The following PLCL2 variants were observed in gnomAD, a reference collection of about 807,000 sequenced individuals.
PLCL2 encodes inactive phospholipase C-like protein 2.
PLCL2 carries 4 observed loss-of-function variants against 79.6 expected under a neutral mutation model. The observed-to-expected ratio is 0.05, with a 90% CI of 0.02 to 0.11. The LOEUF is 0.11. PLCL2 is among the 10% of genes least tolerant of loss of function. The probability of loss-of-function intolerance (pLI) is 1.00; values close to 1 mark genes in which losing one functional copy is unlikely to be tolerated. For synonymous variants in PLCL2, 484 were observed against 457.7 expected, an observed-to-expected ratio of 1.06 and a Z score of -0.73; for missense variants, 895 against 1,291.0, an observed-to-expected ratio of 0.69 and a Z score of 4.70.
intron 4 of PLCL2, among the ~76,000 whole-genome samples, chr3:17,047,162 TAAA>T (rs1439763488): frequency 6.6e-6 from 1 of 151,742 alleles, no homozygotes; most frequent in Non-Finnish European, 1.5e-5. Context: ...CTAGCAAAAA[TAAA>T]AACTAAATTC....
intron 5 of PLCL2, among the ~76,000 whole-genome samples, chr3:17,079,673 G>A (rs974558715): frequency 3.9e-5 from 6 of 152,158 alleles, no homozygotes; most frequent in Admixed American, 6.5e-5. Context: ...CCAACCCTCC[G>A]TCTTTGGTGA....
chr3:16,990,467 A>G (rs1388778074), intron 1 of PLCL2, among the ~76,000 whole-genome samples: 1 of 152,332 alleles, frequency 6.6e-6, no homozygotes, highest in East Asian at 1.9e-4. Context: ...GAGAGACCAA[A>G]GTGTTTGTAA....
intron 3 of PLCL2, among the ~76,000 whole-genome samples, chr3:17,016,282 G>T (rs2064382251): frequency 6.6e-6 from 1 of 152,198 alleles, no homozygotes; most frequent in Admixed American, 6.5e-5. Context: ...GTTTTAAACA[G>T]CTTATGAGTT....
At chr3:16,991,632 C>T (rs1388935416) in intron 1 of PLCL2, among the ~76,000 whole-genome samples, 1 of 152,120 alleles carries the variant, frequency 6.6e-6, no homozygotes, top group African/African-American at 2.4e-5. Flanking sequence ...GAGACTGCCC[C>T]TGGAGAATGG....
intron 5 of PLCL2, among the ~76,000 whole-genome samples, chr3:17,071,470 T>C (rs746303745): frequency 5.3e-5 from 8 of 152,160 alleles, no homozygotes; most frequent in Non-Finnish European, 1.0e-4. Flanking sequence ...AAAGCATTCA[T>C]TTGTTGTTAT....
intron 1 of PLCL2, among the ~76,000 whole-genome samples, chr3:16,958,999 G>A (rs573961632): frequency 2.0e-5 from 3 of 152,242 alleles, no homozygotes; most frequent in African/African-American, 7.2e-5. Context: ...GACCATCCTT[G>A]GATTTATATT....
chr3:17,032,475 AT>A (rs1200048249), intron 3 of PLCL2, among the ~76,000 whole-genome samples: 5 of 151,630 alleles, frequency 3.3e-5, no homozygotes, highest in Non-Finnish European at 7.4e-5. Context: ...GATTTTGTCG[AT>A]TTTTTTTCTT....
intron 4 of PLCL2, among the ~76,000 whole-genome samples, chr3:17,063,920 C>T (rs571314752): frequency 5.0e-4 from 76 of 152,300 alleles, no homozygotes; most frequent in Middle Eastern, 6.8e-3. Flanking sequence ...GGGAGTGTGA[C>T]TTAGTCTTAA....
chr3:17,022,697 G>A (rs2064469110), intron 3 of PLCL2, among the ~76,000 whole-genome samples: 1 of 152,144 alleles, frequency 6.6e-6, no homozygotes, highest in African/African-American at 2.4e-5. Context: ...TTAATTGAGT[G>A]GAGGAGGCAA....
At chr3:16,997,541 T>G (rs1049937406) in intron 1 of PLCL2, among the ~76,000 whole-genome samples, 1 of 150,580 alleles carries the variant, frequency 6.6e-6, no homozygotes, top group African/African-American at 2.4e-5. Flanking sequence ...TCTTTTTTTT[T>G]TTTTTTTGAG....
At chr3:17,066,828 G>A (rs932897621) in intron 4 of PLCL2, among the ~76,000 whole-genome samples, 1 of 152,080 alleles carries the variant, frequency 6.6e-6, no homozygotes, top group African/African-American at 2.4e-5. Flanking sequence ...TGTAAGAAAG[G>A]AAGATTATTA....
intron 5 of PLCL2, among the ~76,000 whole-genome samples, chr3:17,085,305 T>G (rs940826817): frequency 1.3e-5 from 2 of 152,072 alleles, no homozygotes; most frequent in Admixed American, 1.3e-4. Flanking sequence ...CCAGCTAATT[T>G]TTGTATTTTT....
chr3:16,941,454 G>A (rs532172269), intron 1 of PLCL2, among the ~76,000 whole-genome samples: 12 of 152,286 alleles, frequency 7.9e-5, no homozygotes, highest in African/African-American at 2.6e-4. Context: ...AGCAGCACCA[G>A]CTACAGAGTC....
At chr3:17,038,408 G>C (rs1258231092) in intron 3 of PLCL2, among the ~76,000 whole-genome samples, 1 of 152,206 alleles carries the variant, frequency 6.6e-6, no homozygotes, top group African/African-American at 2.4e-5. Flanking sequence ...TCATGCATTT[G>C]CATTAATGCA....
chr3:16,947,265 T>TTTTGTGTGG (rs1234690334), intron 1 of PLCL2, among the ~76,000 whole-genome samples: 2 of 152,188 alleles, frequency 1.3e-5, no homozygotes, highest in Non-Finnish European at 2.9e-5. Context: ...TTTATTCTTA[T>TTTTGTGTGG]GAGTCATCAT....
chr3:16,950,573 CT>C lies in PLCL2; in HGVS notation c.328-59090del, dbSNP rs376769269. ...TATTGCTAATATTTGTTTTATTTTG[CT>C]TTTTTTTTTTCGATGCTGCTTTAGC... On this transcript the variant is annotated intron_variant, in intron 1 of 5. Coordinates refer to ENST00000615277, the MANE Select transcript of PLCL2 (RefSeq NM_001144382.2). Among the ~76,000 whole-genome samples, 796 of 141,290 alleles carry C rather than the reference CT, an allele frequency of 5.6e-3. 4 individuals are homozygous for C. Among genetic ancestry groups the C allele is most frequent in the African/African-American group, 0.016 (621 of 38,748 alleles). 92.7% of individuals were successfully genotyped at this position (141,290 alleles called of 152,430 possible).
chr3:16,936,296 T>C (rs1697537500), intron 1 of PLCL2, among the ~76,000 whole-genome samples: 2 of 152,348 alleles, frequency 1.3e-5, no homozygotes, highest in Admixed American at 6.5e-5. Context: ...GAAATTTAGC[T>C]GGAATCTGGC....
At chr3:17,027,884 G>A (rs1162650235) in intron 3 of PLCL2, among the ~76,000 whole-genome samples, 2 of 152,316 alleles carry the variant, frequency 1.3e-5, no homozygotes, top group South Asian at 2.1e-4. Context: ...GGAAATTAAC[G>A]TTTGCTCTGA....
intron 3 of PLCL2, among the ~76,000 whole-genome samples, chr3:17,038,531 C>T (rs2064683715): frequency 6.6e-6 from 1 of 152,068 alleles, no homozygotes; most frequent in South Asian, 2.1e-4. Context: ...GCTCATGCAT[C>T]GATATTACTA....
Sources: allele counts gnomAD v4.1 joint callset (sites outside exome capture counted in the v4.1 genomes callset), GRCh38; gene constraint gnomAD v4.1.1; transcripts MANE v1.5; gene names NCBI Gene and HGNC (gene_info 2026-07-23, HGNC 2026-07-21).